SIPA1L1: variants seen among roughly 807,000 people sequenced by gnomAD.
SIPA1L1 encodes signal-induced proliferation-associated 1-like protein 1.
Under a neutral mutation model 162.7 loss-of-function variants are expected in SIPA1L1, and 26 were observed. The observed-to-expected ratio is 0.16, with a 90% CI of 0.12 to 0.22. The LOEUF (loss-of-function observed/expected upper bound fraction) is 0.22, where lower values mean the gene tolerates loss of function less well. Among genes scored for constraint, SIPA1L1 ranks in the 10% least tolerant of loss-of-function variants. The pLI is 1.00. For synonymous variants in SIPA1L1, 829 were observed against 837.4 expected (o/e 0.99, Z 0.17); for missense variants, 1,874 against 2,241.0 (o/e 0.84, Z 3.31).
chr14:71,505,862 C>A (rs575403938), intron 2 of SIPA1L1, among the ~76,000 whole-genome samples: 1 of 151,986 alleles, frequency 6.6e-6, no homozygotes, highest in South Asian at 2.1e-4. Flanking sequence ...AAATTACCTT[C>A]AGGCTATGTG....
At chr14:71,381,009 G>A (rs1447826324) in intron 2 of SIPA1L1, among the ~76,000 whole-genome samples, 1 of 152,168 alleles carries the variant, frequency 6.6e-6, no homozygotes, top group African/African-American at 2.4e-5. Flanking sequence ...CCCCCATAGT[G>A]CAATTGGCAT....
intron 4 of SIPA1L1, among the ~76,000 whole-genome samples, chr14:71,577,054 G>C (rs1162385450): frequency 7.1e-6 from 1 of 139,922 alleles, no homozygotes; most frequent in Admixed American, 7.6e-5. Flanking sequence ...TTGCACTCCA[G>C]CCTGGGTGAC....
At chr14:71,723,077 A>G (rs944598409) in intron 17 of SIPA1L1, among the ~76,000 whole-genome samples, 1 of 152,190 alleles carries the variant, frequency 6.6e-6, no homozygotes, top group African/African-American at 2.4e-5. Context: ...TAGTTTTGTA[A>G]TCTTTAACCG....
intron 3 of SIPA1L1, among the ~76,000 whole-genome samples, chr14:71,523,435 G>T (rs1595893258): frequency 6.7e-6 from 1 of 150,050 alleles, no homozygotes; most frequent in South Asian, 2.1e-4. Context: ...TCTACCCTTT[G>T]CCCACCTTTC....
chr14:71,494,595 TG>T (rs1404536140), intron 2 of SIPA1L1, among the ~76,000 whole-genome samples: 4 of 151,416 alleles, frequency 2.6e-5, no homozygotes, highest in Non-Finnish European at 5.9e-5. Flanking sequence ...GATATGATCT[TG>T]GCTTATTGTA....
chr14:71,449,346 T>G (rs753954631), intron 2 of SIPA1L1, among the ~76,000 whole-genome samples: 1 of 152,236 alleles, frequency 6.6e-6, no homozygotes, highest in Non-Finnish European at 1.5e-5. Context: ...CAGATTGGGC[T>G]TTTGTTTTTT....
Position 71,723,733 on chromosome 14 carries a change from C to G in SIPA1L1, c.4295C>G (p.Pro1432Arg), listed in dbSNP as rs759948765. 54 of 1,614,118 alleles carry G rather than the reference C, an allele frequency of 3.3e-5. No individual in the cohort carries two copies. The highest frequency in any genetic ancestry group is 4.3e-5 in the Non-Finnish European group (51 of 1,180,050). ...SPKEELHPAA[P>R]SQLAPSFSSS... Reference sequence around the variant, plus strand: ...AAAGAAGAGCTTCATCCAGCTGCCCCCTCACAGCTCGCACCATCCTTCTCC... The same window carrying G: ...AAAGAAGAGCTTCATCCAGCTGCCCGCTCACAGCTCGCACCATCCTTCTCC... Residue 1432 changes from proline to arginine, a missense_variant, in exon 18 of 24, where the codon CCC becomes CGC. Physicochemically the swap from Pro to Arg is moderately radical, Grantham distance 103. This residue lies in a region of SIPA1L1 where 936 missense variants were observed against 1,051.9 expected (regional missense o/e 0.89). Transcript: ENST00000381232.
intron 4 of SIPA1L1, among the ~76,000 whole-genome samples, chr14:71,543,395 G>T (rs1157715811): frequency 6.6e-6 from 1 of 152,068 alleles, no homozygotes; most frequent in Non-Finnish European, 1.5e-5. Context: ...TTTCTCTTGG[G>T]TGATACCTAG....
At chr14:71,327,657 C>T (rs2033996144) in intron 2 of SIPA1L1, among the ~76,000 whole-genome samples, 1 of 152,172 alleles carries the variant, frequency 6.6e-6, no homozygotes, top group South Asian at 2.1e-4. Context: ...TTGCAAGAAT[C>T]ATGGGGCTGT....
At chr14:71,468,169 G>T (rs2047176623) in intron 2 of SIPA1L1, among the ~76,000 whole-genome samples, 2 of 151,898 alleles carry the variant, frequency 1.3e-5, no homozygotes, top group Admixed American at 1.3e-4. Context: ...CTTGAGTATT[G>T]TTCTAGACCC....
chr14:71,425,203 G>T (rs1196472084), intron 2 of SIPA1L1, among the ~76,000 whole-genome samples: 1 of 151,992 alleles, frequency 6.6e-6, no homozygotes, highest in Non-Finnish European at 1.5e-5. Context: ...TATTTCCAAA[G>T]AACCAACTTC....
At chr14:71,647,666 C>T (rs117332730) in intron 7 of SIPA1L1, among the ~76,000 whole-genome samples, 1,990 of 152,260 alleles carry the variant, frequency 0.013, 21 homozygotes, top group Middle Eastern at 0.034. Context: ...AGGTAATGTT[C>T]AGCCCTGGAA....
chr14:71,547,004 T>A (rs974612925), intron 4 of SIPA1L1, among the ~76,000 whole-genome samples: 5 of 152,168 alleles, frequency 3.3e-5, no homozygotes, highest in African/African-American at 1.2e-4. Context: ...ATGCCACAAT[T>A]TCCAAATCTA....
intron 8 of SIPA1L1, among the ~76,000 whole-genome samples, chr14:71,657,080 T>TG (rs1312478537): frequency 1.3e-5 from 2 of 152,312 alleles, no homozygotes; most frequent in South Asian, 4.1e-4. Flanking sequence ...CCAGGTATGT[T>TG]GGGTCACGCC....
intron 2 of SIPA1L1, among the ~76,000 whole-genome samples, chr14:71,504,105 C>T (rs1330794274): frequency 6.6e-6 from 1 of 151,880 alleles, no homozygotes; most frequent in African/African-American, 2.4e-5. Context: ...GCGCCCAGTC[C>T]TAAAAGTTTA....
At chr14:71,671,901 C>CTGTGTGTGTGTG (rs34919280) in intron 11 of SIPA1L1, among the ~76,000 whole-genome samples, 1 of 142,592 alleles carries the variant, frequency 7.0e-6, no homozygotes, top group Non-Finnish European at 1.5e-5. Context: ...CACATTTACT[C>CTGTGTGTGTGTG]TGTGTGTGTG....
intron 4 of SIPA1L1, among the ~76,000 whole-genome samples, chr14:71,532,455 G>A (rs1055237288): frequency 7.2e-5 from 11 of 152,130 alleles, no homozygotes; most frequent in Admixed American, 4.6e-4. Context: ...TTTTTGTACC[G>A]CCAGATGAAA....
intron 12 of SIPA1L1, among the ~76,000 whole-genome samples, chr14:71,683,497 A>G (rs185899639): frequency 1.2e-4 from 18 of 152,298 alleles, no homozygotes; most frequent in Non-Finnish European, 1.8e-4. Context: ...TTTGCATTGT[A>G]TTTACTGATC....
chr14:71,398,830 C>T (rs368721388), intron 2 of SIPA1L1, among the ~76,000 whole-genome samples: 2 of 152,190 alleles, frequency 1.3e-5, no homozygotes, highest in East Asian at 3.8e-4. Context: ...ATATCTTTCT[C>T]TGTGAATTAG....
Sources: allele counts gnomAD v4.1 joint callset (sites outside exome capture counted in the v4.1 genomes callset), GRCh38; gene constraint gnomAD v4.1.1; regional missense constraint gnomAD v4.1.1; transcripts MANE v1.5; gene names NCBI Gene and HGNC (gene_info 2026-07-23, HGNC 2026-07-21).